CD163: variants seen among roughly 807,000 people sequenced by gnomAD.
CD163 encodes CD163 molecule.
In CD163, 64 loss-of-function variants were observed where a neutral mutation model predicts 129.2. The ratio of observed to expected loss-of-function variants is 0.50; its 90% CI spans 0.41 to 0.61. The LOEUF (loss-of-function observed/expected upper bound fraction) is 0.61. CD163 is among the 20% of genes least tolerant of loss of function. The pLI is 0.00. For synonymous variants in CD163, 446 were observed against 478.5 expected (o/e 0.93, Z 0.89); for missense variants, 1,061 against 1,377.9 (o/e 0.77, Z 3.64).
chr12:7,502,146 T>C (rs932123095), intron 2 of CD163, among the ~76,000 whole-genome samples: 6 of 152,196 alleles, frequency 3.9e-5, no homozygotes, highest in African/African-American at 1.4e-4. Context: ...GGCATTTGAA[T>C]TTACTAATGT....
intron 3 of CD163, 37 bp from the exon 4 acceptor site, chr12:7,499,225 T>C: frequency 6.5e-7 from 1 of 1,543,252 alleles, no homozygotes; most frequent in Non-Finnish European, 8.8e-7. Context: ...AGAAGTTACA[T>C]TCATTTAGAA....
In CD163 at chr12:7,485,329, G is replaced by A; in HGVS notation, c.2546C>T (p.Thr849Ile). 1 of 1,614,182 alleles carries A rather than the reference G, an allele frequency of 6.2e-7. No individual in the cohort carries two copies. Among genetic ancestry groups the A allele is most frequent in the Non-Finnish European group, 8.5e-7 (1 of 1,180,026 alleles). ...LEVFYNGAWG[T>I]VGKSSMSETT... is the part of the protein sequence containing the mutation. The stretch of plus-strand genomic sequence containing the variant: ...TTCAGACATGCTACTCTTGCCAACA[G>A]TGCCCCAAGCTCCATTGTAAAAAAC... The change falls in exon 11 of 17, where the codon ACT (threonine) becomes ATT (isoleucine). Residue 849 changes from threonine (T) to isoleucine (I), a missense_variant. By Grantham distance (89) the Thr-to-Ile change is moderately conservative. Transcript: ENST00000432237. The surrounding 1 kb of genome is among the most constrained non-coding windows in gnomAD (Gnocchi z 4.5).
intron 16 of CD163, among the ~76,000 whole-genome samples, chr12:7,476,728 A>T (rs1267709113): frequency 2.6e-5 from 4 of 152,230 alleles, no homozygotes; most frequent in Non-Finnish European, 5.9e-5. Context: ...AAAGCCAAAA[A>T]TTGACAAATG....
intron 6 of CD163, among the ~76,000 whole-genome samples, chr12:7,489,704 G>A (rs745353269): frequency 6.6e-6 from 1 of 152,094 alleles, no homozygotes; most frequent in East Asian, 1.9e-4. Flanking sequence ...ATTCCTGTGA[G>A]GTAGGCCCTA....
chr12:7,493,612 A>G (rs1949354987), intron 6 of CD163, among the ~76,000 whole-genome samples: 2 of 152,196 alleles, frequency 1.3e-5, no homozygotes, highest in South Asian at 4.1e-4. Flanking sequence ...TACAATTAAT[A>G]AGAAAATATA....
At chr12:7,475,113 A>AAC (rs1949068360) in intron 16 of CD163, among the ~76,000 whole-genome samples, 2 of 150,436 alleles carry the variant, frequency 1.3e-5, no homozygotes, top group South Asian at 4.2e-4. Flanking sequence ...AAAAAAAAAA[A>AAC]AAAAACCATG....
At chr12:7,488,285 C>T (rs1949284442) in intron 6 of CD163, among the ~76,000 whole-genome samples, 198 bp from the exon 7 acceptor site, 2 of 152,140 alleles carry the variant, frequency 1.3e-5, no homozygotes, top group African/African-American at 2.4e-5. Flanking sequence ...CTGAACTCAT[C>T]CATCTGAGAG....
Position 7,486,651 on chromosome 12 carries a change from G to A in CD163, c.2306C>T (p.Thr769Ile). Residue 769 changes from threonine to isoleucine, a missense_variant, in exon 10 of 17, where the codon ACT (threonine) becomes ATT (isoleucine). Physicochemically the swap from Thr to Ile is moderately conservative, Grantham distance 89 (BLOSUM62 -1). Transcript: ENST00000432237. ...QLGCGEAINA[T>I]GSAHFGEGTG... ...TCCTTCCCCAAAATGAGCAGAACCA[G>A]TGGCATTAATGGCCTCTCCACAGCC... is the stretch of plus-strand genomic sequence containing the variant. The A allele has an allele frequency of 6.2e-7, 1 of 1,614,164 alleles. No homozygotes were observed. The highest frequency in any genetic ancestry group is 8.5e-7 in the Non-Finnish European group (1 of 1,180,038).
At chr12:7,494,970 C>T in intron 6 of CD163, 111 bp downstream of exon 6, 1 of 790,264 alleles carries the variant, frequency 1.3e-6, no homozygotes, top group Non-Finnish European at 2.1e-6. Context: ...GTAGATATTT[C>T]CTGGTTTCTT....
rs1026058465 is a variant in CD163 at position 7,496,551 on chromosome 12, C to T, written c.1099+262G>A. ...TCCTAGGAAATTTTGTCTCTCTGAG[C>T]TCCAGGTAGATTCTGAGTTTGAAGT... On this transcript the variant is annotated intron_variant, in intron 5 of 16. Coordinates refer to ENST00000432237, the MANE Select transcript of CD163 (RefSeq NM_203416.4). This position sits in a 1 kb window ranked among gnomAD's most constrained non-coding sequence, Gnocchi z 4.8. 6.6e-6 allele frequency among the ~76,000 whole-genome samples: 1 copy of T among 152,042 alleles called. No individual in the cohort carries two copies. Among genetic ancestry groups the T allele is most frequent in the East Asian group, 1.9e-4 (1 of 5,194 alleles).
At position 7,485,525 on chromosome 12, in the gene CD163, A is replaced by G. The variant is rs1949236013; in HGVS notation, c.2459-109T>C. 1 of 672,256 alleles carries G rather than the reference A, an allele frequency of 1.5e-6. No homozygotes were observed. 41.6% of individuals were successfully genotyped at this position (672,256 alleles called of 1,614,324 possible). A position where few individuals can be genotyped will look rare whatever the true frequency, so the allele number is the denominator to read the frequency against. ...CTTTAAAAATAGGTACAATAGTACA[A>G]TATGTCAGTTACTAATAATTCGTTA... On this transcript the variant is annotated intron_variant, in intron 10 of 16. Transcript: ENST00000432237. The surrounding 1 kb of genome is among the most constrained non-coding windows in gnomAD (Gnocchi z 4.5).
intron 5 of CD163, among the ~76,000 whole-genome samples, chr12:7,495,801 C>T (rs1246313635): frequency 2.6e-5 from 4 of 151,248 alleles, no homozygotes; most frequent in African/African-American, 9.8e-5. Context: ...GTTAGAATGG[C>T]GATCATTAAA....
intron 16 of CD163, among the ~76,000 whole-genome samples, 152 bp downstream of exon 16, chr12:7,479,708 C>A (rs1949135642): frequency 6.6e-6 from 1 of 151,946 alleles, no homozygotes; most frequent in Admixed American, 6.6e-5. Context: ...TTTATATATT[C>A]TCAATATAGA....
At chr12:7,503,130 A>G (rs1208889052) in intron 1 of CD163, among the ~76,000 whole-genome samples, 2 of 152,188 alleles carry the variant, frequency 1.3e-5, no homozygotes, top group Non-Finnish European at 2.9e-5. Flanking sequence ...AAACTCAAAT[A>G]TTAAATCTTG....
In CD163 at chr12:7,499,186, C is replaced by A; in HGVS notation, c.460G>T (p.Gly154Ter). Residue 154 changes from glycine (G) to a stop codon, truncating the protein, a stop_gained and splice_region_variant, in exon 4 of 17, where the codon GGA becomes TGA. Coordinates refer to ENST00000432237, the MANE Select transcript of CD163 (RefSeq NM_203416.4). LOFTEE classifies it high-confidence loss of function. The stretch of plus-strand genomic sequence containing the variant: ...GTCAGCCTCATTTCCAAATTGGATC[C>A]ATCTGGAGCAGAGAAAAGACCAGAG... ...QQDAGVTCSD[G>*]SNLEMRLTRG... is the part of the protein sequence containing the mutation. 6.2e-7 allele frequency: 1 copy of A among 1,604,514 alleles called. No homozygotes were observed.
rs149501156 is a variant in CD163, at chr12:7,487,440, G to T, written c.1969C>A (p.Gln657Lys). The T allele has an allele frequency of 2.5e-6, 4 of 1,613,882 alleles. No homozygotes were observed. The highest frequency in any genetic ancestry group is 1.3e-5 in the African/African-American group (1 of 74,904). The change falls in exon 8 of 17, where the codon CAG becomes AAG. Residue 657 changes from glutamine to lysine, a missense_variant. Physicochemically the swap from Gln to Lys is moderately conservative, Grantham distance 53 (BLOSUM62 1). Transcript: ENST00000432237. The surrounding 1 kb of genome is among the most constrained non-coding windows in gnomAD (Gnocchi z 5.1). Reference protein sequence around the residue: ...RHMFHCTGTEQHMGDCPVTAL... With the variant: ...RHMFHCTGTEKHMGDCPVTAL... ...GTTACAGGACAATCTCCCATGTGCT[G>T]CTCAGTCCCAGTGCAGTGAAACATA... is the stretch of plus-strand genomic sequence containing the variant.
rs1023925582 is a variant in CD163 at position 7,480,753 on chromosome 12, A to G, written c.3343+408T>C. ...TGGGTGTGTTCATTTGCTTTGCTTT[A>G]GTAAGCTTTTTACTATCTATATACA... is the stretch of plus-strand genomic sequence containing the variant. On this transcript the variant is annotated intron_variant, in intron 15 of 16. Transcript: ENST00000432237. 6.8e-5 allele frequency: 34 copies of G among 498,804 alleles called. No homozygotes were observed. In the Middle Eastern group the frequency reaches 4.0e-3, roughly 59 times the overall value. 30.9% of individuals were successfully genotyped at this position (498,804 alleles called of 1,614,324 possible). A position where few individuals can be genotyped will look rare whatever the true frequency, so the allele number is the denominator to read the frequency against.
chr12:7,486,259 C>T (rs771168991), intron 10 of CD163, among the ~76,000 whole-genome samples: 2 of 152,196 alleles, frequency 1.3e-5, no homozygotes, highest in South Asian at 2.1e-4. Context: ...TCATTATTAA[C>T]TTTGTTGTCA....
chr12:7,472,192 GA>G (rs1348702115), intron 16 of CD163, among the ~76,000 whole-genome samples: 19 of 152,192 alleles, frequency 1.2e-4, no homozygotes, highest in Admixed American at 1.2e-3. Flanking sequence ...CTGACAAGGA[GA>G]ATTCTCCCAG....
Sources: allele counts gnomAD v4.1 joint callset (sites outside exome capture counted in the v4.1 genomes callset), GRCh38; gene constraint gnomAD v4.1.1; non-coding constraint Gnocchi (gnomAD v3.1); transcripts MANE v1.5; gene names NCBI Gene and HGNC (gene_info 2026-07-23, HGNC 2026-07-21).